Variants in PCDHA5 observed in about 807,000 individuals in gnomAD.
The protein encoded by PCDHA5 is protocadherin alpha 5, also known as protocadherin alpha-5.
In PCDHA5, 43 loss-of-function variants were observed where a neutral mutation model predicts 61.6. The observed-to-expected ratio is 0.70, with a 90% CI of 0.55 to 0.90. The LOEUF is 0.90. Among genes scored for constraint, PCDHA5 ranks in the 40% least tolerant of loss-of-function variants. The pLI is 0.00. For synonymous variants in PCDHA5, 627 were observed against 543.9 expected, an observed-to-expected ratio of 1.15 and a Z score of -2.13; for missense variants, 1,298 against 1,222.7, an observed-to-expected ratio of 1.06 and a Z score of -0.92.
intron 1 of PCDHA5, chr5:140,828,088 T>A (rs2150150812): frequency 6.3e-7 from 1 of 1,592,494 alleles, no homozygotes; most frequent in Non-Finnish European, 8.6e-7. Context: ...CAGAGGTATT[T>A]GACATGGTGT....
Position 140,829,875 on chromosome 5 carries a change from G to A in PCDHA5, c.2352+5748G>A, listed in dbSNP as rs2150176769. 2.5e-6 allele frequency: 4 copies of A among 1,613,828 alleles called. No homozygotes were observed. Among genetic ancestry groups the A allele is most frequent in the Admixed American group, 3.3e-5 (2 of 59,996 alleles). On this transcript the variant is annotated intron_variant, in intron 1 of 3. Transcript: ENST00000529859. ...GCAGGCCAAGTGGTGGCGAAGGTGC[G>A]CGCAGTTGACGCCGACTCAGGCTAC...
At chr5:140,992,914 C>T (rs1383362253) in intron 3 of PCDHA5, among the ~76,000 whole-genome samples, 1 of 152,220 alleles carries the variant, frequency 6.6e-6, no homozygotes, top group African/African-American at 2.4e-5. Context: ...CTTAGGCCCT[C>T]TCCATACTTA....
chr5:140,869,204 C>G (rs199956165), intron 1 of PCDHA5: 29 of 1,613,960 alleles, frequency 1.8e-5, no homozygotes, highest in Non-Finnish European at 2.4e-5. Flanking sequence ...CTCCACTACT[C>G]CGTCTCGGAG....
chr5:140,870,385 G>A, intron 1 of PCDHA5: 1 of 1,614,240 alleles, frequency 6.2e-7, no homozygotes. Context: ...GACTGCGCGG[G>A]ATGGGGGTTC....
At chr5:140,940,564 T>G (rs1481591678) in intron 1 of PCDHA5, among the ~76,000 whole-genome samples, 2 of 152,228 alleles carry the variant, frequency 1.3e-5, no homozygotes, top group African/African-American at 4.8e-5. Flanking sequence ...TTCTCCTACC[T>G]TGGCTCCCAA....
Position 141,009,690 on chromosome 5 carries a change from TTAAA to T in PCDHA5, c.2567_2570del (p.Lys856ThrfsTer44). On this transcript the variant is annotated frameshift_variant, in exon 4 of 4. Transcript: ENST00000529859. LOFTEE classifies it high-confidence loss of function. ...GGTGTCAACAGCAACAGCTGGACCT[TTAAA>T]TACGGACCAGGCAACCCCAAACAAT... 6.2e-7 allele frequency: 1 copy of T among 1,614,068 alleles called. No individual in the cohort carries two copies. Among genetic ancestry groups the T allele is most frequent in the Non-Finnish European group, 8.5e-7 (1 of 1,180,024 alleles).
Position 140,821,976 on chromosome 5 carries a change from CA to C in PCDHA5, c.203del (p.Lys68ArgfsTer9), listed in dbSNP as rs2150112457. ...TGCCGCGCCTGTTCCGGGTGGCGTC[CA>C]AGGGCCGCGGGGACCTTCTGGAGGT... Reference protein sequence around the residue: ...LVPRLFRVASKGRGDLLEVNL... With the variant: ...LVPRLFRVASXGRGDLLEVNL... On this transcript the variant is annotated frameshift_variant, in exon 1 of 4. Transcript: ENST00000529859. LOFTEE classifies it high-confidence loss of function. 6.2e-7 allele frequency: 1 copy of C among 1,614,196 alleles called. No individual in the cohort carries two copies. Among genetic ancestry groups the C allele is most frequent in the South Asian group, 1.1e-5 (1 of 91,086 alleles).
At chr5:140,936,185 G>A (rs563044758) in intron 1 of PCDHA5, among the ~76,000 whole-genome samples, 10 of 152,060 alleles carry the variant, frequency 6.6e-5, no homozygotes, top group Non-Finnish European at 1.0e-4. Context: ...AAACCACCAC[G>A]CCCAGCCAAA....
intron 1 of PCDHA5, among the ~76,000 whole-genome samples, chr5:140,943,341 G>T (rs1021651625): frequency 5.3e-5 from 8 of 151,780 alleles, no homozygotes; most frequent in African/African-American, 1.9e-4. Context: ...CATTGGACAG[G>T]ATGAGAGTAG....
chr5:140,979,102 C>T (rs1263848262), intron 2 of PCDHA5, 95 bp downstream of exon 2: 1 of 1,541,684 alleles, frequency 6.5e-7, no homozygotes, highest in Non-Finnish European at 8.7e-7. Flanking sequence ...GCTGTCAAAA[C>T]TAAAAAGCTT....
chr5:140,993,462 T>TCACACACACACACA (rs3836747), intron 3 of PCDHA5, among the ~76,000 whole-genome samples: 3 of 140,938 alleles, frequency 2.1e-5, no homozygotes, highest in African/African-American at 5.3e-5. Flanking sequence ...TCTTTCTTTC[T>TCACACACACACACA]CACACACACA....
chr5:140,851,824 T>C (rs1336167909), intron 1 of PCDHA5: 1 of 964,578 alleles, frequency 1.0e-6, no homozygotes, highest in Non-Finnish European at 1.3e-6. Context: ...CAGAAATCTG[T>C]TTTTTTAAAA....
chr5:140,962,216 G>C (rs554182128), intron 1 of PCDHA5, among the ~76,000 whole-genome samples: 2 of 152,170 alleles, frequency 1.3e-5, no homozygotes, highest in African/African-American at 4.8e-5. Context: ...TATTGATCTT[G>C]AGGTTCAAGT....
chr5:140,977,247 A>G (rs528974727), intron 1 of PCDHA5, among the ~76,000 whole-genome samples: 1 of 152,336 alleles, frequency 6.6e-6, no homozygotes, highest in African/African-American at 2.4e-5. Context: ...AATTGGCAAC[A>G]TTTCTCAGCA....
chr5:140,874,132 A>T (rs181983769), intron 1 of PCDHA5, among the ~76,000 whole-genome samples: 8 of 152,358 alleles, frequency 5.3e-5, no homozygotes, highest in Non-Finnish European at 1.2e-4. Flanking sequence ...TATTTAAGTT[A>T]TCTTATACTT....
At chr5:140,896,871 TTTATGGG>T (rs1349052738) in intron 1 of PCDHA5, among the ~76,000 whole-genome samples, 1 of 152,200 alleles carries the variant, frequency 6.6e-6, no homozygotes, top group Non-Finnish European at 1.5e-5. Flanking sequence ...AGTGTACATA[TTTATGGG>T]GTATATGAGA....
chr5:141,001,020 TATA>T (rs539315208), intron 3 of PCDHA5, among the ~76,000 whole-genome samples: 5 of 152,250 alleles, frequency 3.3e-5, no homozygotes, highest in Non-Finnish European at 5.9e-5. Context: ...GATATACACT[TATA>T]ATAATAGCTT....
At chr5:140,850,264 T>A in intron 1 of PCDHA5, 1 of 1,594,136 alleles carries the variant, frequency 6.3e-7, no homozygotes, top group Non-Finnish European at 8.6e-7. Flanking sequence ...GCCGGCGTAG[T>A]GGTGGGGAAG....
Position 140,836,232 on chromosome 5 carries a change from G to T in PCDHA5, c.2352+12105G>T. 4 of 1,613,788 alleles carry T rather than the reference G, an allele frequency of 2.5e-6. No homozygotes were observed. In the South Asian group the frequency reaches 3.3e-5, roughly 13 times the overall value. On this transcript the variant is annotated intron_variant, in intron 1 of 3. Transcript: ENST00000529859. ...GTATGAGTTGCAACCGGTGGCGGCCGGTGCGAGCATCCCGTTCCGCGTGGG... is the reference window on the plus strand; with the variant it reads ...GTATGAGTTGCAACCGGTGGCGGCCTGTGCGAGCATCCCGTTCCGCGTGGG...
Sources: gnomAD v4.1 joint callset for allele counts (sites outside exome capture counted in the v4.1 genomes callset) on GRCh38, gnomAD v4.1.1 for gene constraint, MANE v1.5 for transcripts, NCBI Gene and HGNC (gene_info 2026-07-23, HGNC 2026-07-21) for gene names.